Variants in BACH1 observed in about 807,000 individuals in gnomAD.
BACH1 encodes BTB domain and CNC homolog 1.
In BACH1, 35 loss-of-function variants were observed where a neutral mutation model predicts 52.9. The ratio of observed to expected loss-of-function variants is 0.66; its 90% CI spans 0.51 to 0.88. The LOEUF (loss-of-function observed/expected upper bound fraction) is 0.88, where lower values mean the gene tolerates loss of function less well. BACH1 is among the 40% of genes least tolerant of loss of function. The pLI is 0.00. For synonymous variants in BACH1, 321 were observed against 319.6 expected, an observed-to-expected ratio of 1.00 and a Z score of -0.05; for missense variants, 808 against 872.6, an observed-to-expected ratio of 0.93 and a Z score of 0.93.
chr21:29,335,977 TA>T (rs2123465504), intron 4 of BACH1, among the ~76,000 whole-genome samples: 1 of 152,372 alleles, frequency 6.6e-6, no homozygotes, highest in South Asian at 2.1e-4. Context: ...CATTCTTAGA[TA>T]TGACTAATAC....
At chr21:29,330,752 A>G (rs1430755715) in intron 4 of BACH1, among the ~76,000 whole-genome samples, 2 of 152,208 alleles carry the variant, frequency 1.3e-5, no homozygotes, top group East Asian at 1.9e-4. Flanking sequence ...CATTCTAGCT[A>G]TGAATGGCAA....
At chr21:29,316,005 TA>T (rs1185366849) in intron 1 of BACH1, among the ~76,000 whole-genome samples, 3 of 152,164 alleles carry the variant, frequency 2.0e-5, no homozygotes, top group African/African-American at 7.2e-5. Context: ...TTTGAGGTGT[TA>T]TTTATTGTAC....
chr21:29,352,279 C>T (rs1382704085), intron 2 of BACH1, among the ~76,000 whole-genome samples: 1 of 151,956 alleles, frequency 6.6e-6, no homozygotes, highest in Non-Finnish European at 1.5e-5. Context: ...GTCTTGAACT[C>T]CTGACCTCAA....
At chr21:29,334,314 G>A (rs1241602512) in intron 4 of BACH1, among the ~76,000 whole-genome samples, 10 of 152,048 alleles carry the variant, frequency 6.6e-5, no homozygotes, top group African/African-American at 2.4e-4. Context: ...TAGCCAGGAT[G>A]GTCTTGATCT....
At chr21:29,318,274 C>G (rs1240623185) in intron 1 of BACH1, among the ~76,000 whole-genome samples, 1 of 152,084 alleles carries the variant, frequency 6.6e-6, no homozygotes, top group Non-Finnish European at 1.5e-5. Context: ...TGTGCTGATG[C>G]CGATGGAGAG....
intron 1 of BACH1, among the ~76,000 whole-genome samples, chr21:29,315,423 A>G (rs1473945824): frequency 6.6e-6 from 1 of 152,202 alleles, no homozygotes; most frequent in East Asian, 1.9e-4. Flanking sequence ...AGGTGAAAGT[A>G]ATTGACAGGT....
In BACH1 at chr21:29,343,030, G is replaced by A. The variant is rs1280119723; in HGVS notation, c.*197G>A. Reference sequence around the variant, plus strand: ...GACAAAGAAATGATTTTGCCTCCTGGATATCAGAAAAATCCATGTGAAAAT... The same window carrying A: ...GACAAAGAAATGATTTTGCCTCCTGAATATCAGAAAAATCCATGTGAAAAT... On this transcript the variant is annotated 3_prime_UTR_variant, in exon 5 of 5. Coordinates refer to ENST00000286800, the MANE Select transcript of BACH1 (RefSeq NM_001186.4). The A allele has an allele frequency of 2.0e-6, 1 of 505,588 alleles. No individual in the cohort carries two copies. The highest frequency in any genetic ancestry group is 3.3e-6 in the Non-Finnish European group (1 of 300,820). 31.3% of individuals were successfully genotyped at this position (505,588 alleles called of 1,614,324 possible). A position where few individuals can be genotyped will look rare whatever the true frequency, so the allele number is the denominator to read the frequency against.
intron 2 of BACH1, among the ~76,000 whole-genome samples, chr21:29,357,672 A>G (rs533552740): frequency 2.2e-4 from 33 of 152,262 alleles, no homozygotes; most frequent in African/African-American, 6.3e-4. Flanking sequence ...TACTACATCA[A>G]TTTCCTTACT....
intron 2 of BACH1, among the ~76,000 whole-genome samples, chr21:29,356,850 ATCTCTCTCTTTC>A (rs1321603302): frequency 6.6e-6 from 1 of 151,488 alleles, no homozygotes; most frequent in African/African-American, 2.4e-5. Context: ...TACTACTTCT[ATCTCTCTCTTTC>A]TCTCTCTTTG....
intron 2 of BACH1, 137 bp downstream of exon 2, chr21:29,321,651 T>A (rs1431593792): frequency 2.8e-6 from 2 of 706,710 alleles, no homozygotes; most frequent in Non-Finnish European, 4.4e-6. Flanking sequence ...ACCCCTTTTT[T>A]TTTTTTTTTT....
At chr21:29,310,187 A>G (rs1038341416) in intron 1 of BACH1, among the ~76,000 whole-genome samples, 1 of 152,254 alleles carries the variant, frequency 6.6e-6, no homozygotes, top group Admixed American at 6.5e-5. Context: ...TAAAGGGGGA[A>G]AATGTAATTG....
intron 2 of BACH1, among the ~76,000 whole-genome samples, chr21:29,355,321 G>A (rs529400150): frequency 3.7e-4 from 56 of 152,260 alleles, no homozygotes; most frequent in Middle Eastern, 6.8e-3. Context: ...TGATTGGTGC[G>A]TTTTTACAGA....
intron 1 of BACH1, among the ~76,000 whole-genome samples, chr21:29,304,774 C>T (rs190100892): frequency 1.6e-4 from 25 of 152,284 alleles, no homozygotes; most frequent in Non-Finnish European, 3.2e-4. Context: ...AGAAATAGGG[C>T]GACCTATCCA....
intron 1 of BACH1, chr21:29,305,405 T>C (rs2088645418): frequency 1.3e-5 from 2 of 152,228 alleles, no homozygotes; most frequent in Admixed American, 6.5e-5. Context: ...ATAGGTATTT[T>C]TTTTTAGATT....
chr21:29,338,484 C>T (rs988558713), intron 4 of BACH1, among the ~76,000 whole-genome samples: 2 of 152,116 alleles, frequency 1.3e-5, no homozygotes, highest in Non-Finnish European at 1.5e-5. Context: ...AGCAAATCCT[C>T]TCATATCAGC....
chr21:29,304,579 G>A (rs1414368950), intron 1 of BACH1, among the ~76,000 whole-genome samples: 1 of 152,040 alleles, frequency 6.6e-6, no homozygotes, highest in Non-Finnish European at 1.5e-5. Context: ...TTCCTTTGTA[G>A]CCTGGACATT....
At position 29,321,261 on chromosome 21, in the gene BACH1, GACA is replaced by G. The variant is rs2088844144; in HGVS notation, c.-16_-14del. 1 of 1,590,668 alleles carries G rather than the reference GACA, an allele frequency of 6.3e-7. No individual in the cohort carries two copies. The highest frequency in any genetic ancestry group is 8.6e-7 in the Non-Finnish European group (1 of 1,159,244). ...AAGCATGCTTTCCACTGAACTTCCC[GACA>G]ACATTTGTTATGCAGAATGTCTCTG... On this transcript the variant is annotated 5_prime_UTR_variant, in exon 2 of 5. Transcript: ENST00000286800.
chr21:29,318,584 TG>T (rs1200349934), intron 1 of BACH1, among the ~76,000 whole-genome samples: 1 of 152,178 alleles, frequency 6.6e-6, no homozygotes, highest in Non-Finnish European at 1.5e-5. Flanking sequence ...ACCCATGAGA[TG>T]ATGTGTTACT....
chr21:29,327,487 C>A, intron 3 of BACH1, 94 bp downstream of exon 3: 6 of 1,486,502 alleles, frequency 4.0e-6, no homozygotes, highest in Non-Finnish European at 4.5e-6. Context: ...GGGATATAAT[C>A]AGGTTCAGGG....
Sources: allele counts gnomAD v4.1 joint callset (sites outside exome capture counted in the v4.1 genomes callset), GRCh38; gene constraint gnomAD v4.1.1; transcripts MANE v1.5; gene names NCBI Gene and HGNC (gene_info 2026-07-23, HGNC 2026-07-21).